ATL1: variants seen among roughly 807,000 people sequenced by gnomAD.
The protein encoded by ATL1 is atlastin-1.
Under a neutral mutation model 75.5 loss-of-function variants are expected in ATL1, and 31 were observed. That is an observed-to-expected ratio of 0.41 (90% CI 0.31 to 0.55). The LOEUF (loss-of-function observed/expected upper bound fraction) is 0.55, where lower values mean the gene tolerates loss of function less well. ATL1 is among the 20% of genes least tolerant of loss of function. The pLI is 0.27. For synonymous variants in ATL1, 226 were observed against 233.3 expected, an observed-to-expected ratio of 0.97 and a Z score of 0.28; for missense variants, 405 against 662.6, an observed-to-expected ratio of 0.61 and a Z score of 4.27.
intron 11 of ATL1, among the ~76,000 whole-genome samples, chr14:50,627,028 G>A (rs927629976): frequency 2.6e-5 from 4 of 152,294 alleles, no homozygotes; most frequent in Non-Finnish European, 4.4e-5. Flanking sequence ...GCTGTCAAAT[G>A]GCATCCCAGG....
At chr14:50,619,190 C>CTG (rs2039443316) in intron 8 of ATL1, among the ~76,000 whole-genome samples, 1 of 152,136 alleles carries the variant, frequency 6.6e-6, no homozygotes, top group Non-Finnish European at 1.5e-5. Context: ...GTAGCTGGGA[C>CTG]TACAGGCATA....
At chr14:50,629,920 A>C in intron 12 of ATL1, 75 bp from the exon 13 acceptor site, 2 of 1,162,704 alleles carry the variant, frequency 1.7e-6, no homozygotes, top group Non-Finnish European at 2.5e-6. Context: ...TATTGTAAGC[A>C]AAGTTGATTA....
At position 50,543,686 on chromosome 14, in the gene ATL1, C is replaced by T. The variant is rs369557094; in HGVS notation, c.-140+10319C>T. 2.6e-5 allele frequency among the ~76,000 whole-genome samples: 4 copies of T among 152,266 alleles called. No individual in the cohort carries two copies. In the East Asian group the frequency reaches 5.8e-4, roughly 22 times the overall value. Reference sequence around the variant, plus strand: ...TGTAAGGATGTAGTATAGGACTCAACCCAGTCACCATTATATGTTGTCATC... The same window carrying T: ...TGTAAGGATGTAGTATAGGACTCAATCCAGTCACCATTATATGTTGTCATC... On this transcript the variant is annotated intron_variant, in intron 1 of 13. Transcript: ENST00000441560.
At chr14:50,563,688 A>G (rs1015338200) in intron 1 of ATL1, among the ~76,000 whole-genome samples, 5 of 152,224 alleles carry the variant, frequency 3.3e-5, no homozygotes, top group Non-Finnish European at 1.5e-5. Context: ...TGAAAGCTAC[A>G]CAGCAGAAAA....
intron 6 of ATL1, among the ~76,000 whole-genome samples, chr14:50,604,942 A>C (rs994485404): frequency 6.6e-6 from 1 of 152,096 alleles, no homozygotes; most frequent in East Asian, 1.9e-4. Context: ...TCAAGTAATT[A>C]GATGAGGCTG....
intron 2 of ATL1, among the ~76,000 whole-genome samples, chr14:50,589,155 C>CTTTTTTTTTT (rs34191629): frequency 7.3e-5 from 8 of 109,420 alleles, no homozygotes; most frequent in Non-Finnish European, 1.3e-4. Context: ...TTCTTTCTTT[C>CTTTTTTTTTT]TTTTTTTTTT....
chr14:50,550,177 A>G (rs1442307376), intron 1 of ATL1, among the ~76,000 whole-genome samples: 4 of 152,202 alleles, frequency 2.6e-5, no homozygotes, highest in African/African-American at 9.6e-5. Context: ...CATAGTGCAG[A>G]TTGCATAGGC....
intron 6 of ATL1, among the ~76,000 whole-genome samples, chr14:50,605,741 C>T (rs1163904719): frequency 6.6e-6 from 1 of 151,988 alleles, no homozygotes; most frequent in African/African-American, 2.4e-5. Flanking sequence ...TCTTTCTTAT[C>T]CCACTGTTTT....
intron 4 of ATL1, among the ~76,000 whole-genome samples, chr14:50,592,969 T>TTATA (rs10686043): frequency 2.5e-4 from 36 of 142,770 alleles, no homozygotes; most frequent in African/African-American, 9.2e-4. Context: ...TGTGTGTAAA[T>TTATA]TATATATATA....
chr14:50,612,439 C>T (rs535790138), intron 6 of ATL1, among the ~76,000 whole-genome samples: 1 of 152,234 alleles, frequency 6.6e-6, no homozygotes, highest in Non-Finnish European at 1.5e-5. Context: ...AAACACATGA[C>T]TCCCAGCTCA....
intron 8 of ATL1, among the ~76,000 whole-genome samples, chr14:50,617,612 T>A (rs1239058256): frequency 6.6e-6 from 1 of 152,262 alleles, no homozygotes; most frequent in Non-Finnish European, 1.5e-5. Flanking sequence ...TTATAAAGCA[T>A]ACATCGTATT....
Position 50,632,268 on chromosome 14 carries a change from C to T in ATL1, c.1606C>T (p.His536Tyr). 2 of 1,613,574 alleles carry T rather than the reference C, an allele frequency of 1.2e-6. No individual in the cohort carries two copies. Among genetic ancestry groups the T allele is most frequent in the Non-Finnish European group, 1.7e-6 (2 of 1,179,622 alleles). ...KLYSAAATHR[H>Y]LYHQAFPTPK... is the part of the protein sequence containing the mutation. ...TTACAGTGCAGCAGCAACCCACAGA[C>T]ATCTGTATCATCAAGCTTTCCCTAC... Residue 536 changes from histidine to tyrosine, a missense_variant, in exon 14 of 14, where the codon CAT becomes TAT. Physicochemically the swap from His to Tyr is moderately conservative, Grantham distance 83. Coordinates refer to ENST00000358385, the MANE Select transcript of ATL1 (RefSeq NM_015915.5).
intron 1 of ATL1, among the ~76,000 whole-genome samples, chr14:50,545,299 C>T (rs769680066): frequency 6.6e-6 from 1 of 152,194 alleles, no homozygotes; most frequent in South Asian, 2.1e-4. Context: ...GTCTGAGTCA[C>T]GTTTTGGTCT....
chr14:50,545,053 G>A (rs2038613838), intron 1 of ATL1, among the ~76,000 whole-genome samples: 1 of 152,008 alleles, frequency 6.6e-6, no homozygotes, highest in Non-Finnish European at 1.5e-5. Context: ...TGTGAGCCAA[G>A]GCCATGATGT....
At chr14:50,535,484 A>T (rs1005571022) in intron 1 of ATL1, among the ~76,000 whole-genome samples, 3 of 152,266 alleles carry the variant, frequency 2.0e-5, no homozygotes, top group African/African-American at 7.2e-5. Flanking sequence ...TCTATGATTC[A>T]GTTGACTGCT....
intron 2 of ATL1, among the ~76,000 whole-genome samples, chr14:50,590,526 T>A (rs1298089042): frequency 6.6e-6 from 1 of 152,198 alleles, no homozygotes; most frequent in Non-Finnish European, 1.5e-5. Context: ...GGAAAATTCC[T>A]AAATATTTTT....
chr14:50,557,511 A>G (rs2038778852), upstream of ATL1, among the ~76,000 whole-genome samples: 2 of 152,318 alleles, frequency 1.3e-5, no homozygotes, highest in South Asian at 4.1e-4. Context: ...TAGCTTATAA[A>G]GATCTTCTGT....
At chr14:50,538,966 C>T (rs899672638) in intron 1 of ATL1, among the ~76,000 whole-genome samples, 4 of 152,192 alleles carry the variant, frequency 2.6e-5, no homozygotes, top group Admixed American at 6.5e-5. Flanking sequence ...ACTATGGGTG[C>T]GCACCACTGT....
chr14:50,546,553 GC>G (rs1206793235), intron 1 of ATL1, among the ~76,000 whole-genome samples: 2 of 152,198 alleles, frequency 1.3e-5, no homozygotes, highest in African/African-American at 4.8e-5. Flanking sequence ...TAATAAACAA[GC>G]TGGATTTAAA....
Sources: gnomAD v4.1 joint callset for allele counts (sites outside exome capture counted in the v4.1 genomes callset) on GRCh38, gnomAD v4.1.1 for gene constraint, MANE v1.5 for transcripts, NCBI Gene and HGNC (gene_info 2026-07-23, HGNC 2026-07-21) for gene names.